PCDHA11: variants seen among roughly 807,000 people sequenced by gnomAD.
PCDHA11 encodes protocadherin alpha-11.
A neutral mutation model predicts 70.3 loss-of-function variants in PCDHA11; 61 were observed. That is an observed-to-expected ratio of 0.87 (90% confidence interval 0.71 to 1.07). PCDHA11 has a LOEUF of 1.07. Among genes scored for constraint, PCDHA11 ranks in the 50% least tolerant of loss-of-function variants. PCDHA11 has a pLI of 0.00. For missense variants in PCDHA11, 1,324 were observed against 1,237.5 expected (o/e 1.07, Z -1.05); for synonymous variants, 633 against 555.1 (o/e 1.14, Z -1.97).
At chr5:140,909,502 G>A (rs1583705871) in intron 1 of PCDHA11, among the ~76,000 whole-genome samples, 2 of 152,180 alleles carry the variant, frequency 1.3e-5, no homozygotes. Flanking sequence ...CGGGGATGTG[G>A]TGGGAATCAC....
At position 140,928,347 on chromosome 5, in the gene PCDHA11, G is replaced by A. The variant is rs139222568; in HGVS notation, c.2392-50602G>A. 5 of 1,614,148 alleles carry A rather than the reference G, an allele frequency of 3.1e-6. No homozygotes were observed. The African/African-American group carries it at 5.3e-5, about 17-fold the overall frequency. On this transcript the variant is annotated intron_variant, in intron 1 of 3. Coordinates refer to ENST00000398640, the MANE Select transcript of PCDHA11 (RefSeq NM_018902.5). ...ATGGCCTTGTCTCTTATGAGCTGTT[G>A]GATGTTATCTCTGAAGGGCCATCAG...
intron 3 of PCDHA11, among the ~76,000 whole-genome samples, chr5:141,001,133 A>G (rs2097993653): frequency 6.6e-6 from 1 of 152,034 alleles, no homozygotes; most frequent in Non-Finnish European, 1.5e-5. Flanking sequence ...AAACAAATGA[A>G]TCTTCTGTTG....
intron 3 of PCDHA11, among the ~76,000 whole-genome samples, chr5:140,993,305 G>C (rs1405035028): frequency 6.6e-6 from 1 of 151,998 alleles, no homozygotes; most frequent in African/African-American, 2.4e-5. Flanking sequence ...CTTGCCTCCA[G>C]GATAATACCT....
intron 1 of PCDHA11, among the ~76,000 whole-genome samples, chr5:140,874,129 G>A (rs1400596915): frequency 6.6e-6 from 1 of 151,518 alleles, no homozygotes; most frequent in African/African-American, 2.5e-5. Context: ...GTTTATTTAA[G>A]TTATCTTATA....
chr5:140,869,388 G>C lies in PCDHA11; in HGVS notation c.285G>C (p.Leu95=), dbSNP rs529836794. The change falls in exon 1 of 4, where the codon CTG becomes CTC. Residue 95 remains leucine (L), a synonymous_variant. Transcript: ENST00000398640. Reference sequence around the variant, plus strand: ...ATTCTCGGATCGACCGCGAGGAGCTGTGCGGGCAGAGCGCGGAGTGCAGCA... The same window carrying C: ...ATTCTCGGATCGACCGCGAGGAGCTCTGCGGGCAGAGCGCGGAGTGCAGCA... The part of the protein sequence containing the change: ...FVNSRIDREE[L]CGQSAECSIH... 3.7e-6 allele frequency: 6 copies of C among 1,614,204 alleles called. No homozygotes were observed. The African/African-American group carries it at 6.7e-5, about 18-fold the overall frequency.
rs369408845 is a variant in PCDHA11, at chr5:140,898,113, C to T, written c.2391+26619C>T. On this transcript the variant is annotated intron_variant, in intron 1 of 3. Coordinates refer to ENST00000398640, the MANE Select transcript of PCDHA11 (RefSeq NM_018902.5). ...AGCCCTTTGTCAGATGAGTAGGTTG[C>T]GAAAATTTTCTCCCATTTTGTAGGT... Among the ~76,000 whole-genome samples, 401 of 152,070 alleles carry T rather than the reference C, an allele frequency of 2.6e-3. 3 individuals carry two copies. Among genetic ancestry groups the T allele is most frequent in the Admixed American group, 0.01 (153 of 15,274 alleles).
chr5:140,993,463 CACA>C (rs1563592017), intron 3 of PCDHA11, among the ~76,000 whole-genome samples: 29 of 7,582 alleles, frequency 3.8e-3, no homozygotes, highest in African/African-American at 0.016. Flanking sequence ...CTTTCTTTCT[CACA>C]CACACACACA....
chr5:140,918,502 C>A (rs1480204800), intron 1 of PCDHA11, among the ~76,000 whole-genome samples: 1 of 152,040 alleles, frequency 6.6e-6, no homozygotes, highest in Non-Finnish European at 1.5e-5. Context: ...TGGTACCAAT[C>A]CTTTTAAACT....
At chr5:140,875,830 G>T in intron 1 of PCDHA11, 1 of 1,614,226 alleles carries the variant, frequency 6.2e-7, no homozygotes, top group South Asian at 1.1e-5. Context: ...TTTCCATGTG[G>T]ACGTGGAGGT....
At chr5:140,986,460 G>A (rs1489873666) in intron 3 of PCDHA11, among the ~76,000 whole-genome samples, 1 of 152,176 alleles carries the variant, frequency 6.6e-6, no homozygotes, top group Admixed American at 6.5e-5. Flanking sequence ...TTTAATGAAT[G>A]CCCTCTTGTG....
At chr5:140,996,791 A>G (rs2153942087) in intron 3 of PCDHA11, among the ~76,000 whole-genome samples, 1 of 152,316 alleles carries the variant, frequency 6.6e-6, no homozygotes, top group Non-Finnish European at 1.5e-5. Context: ...CTCACTCCCT[A>G]CATCCAATCA....
intron 1 of PCDHA11, among the ~76,000 whole-genome samples, chr5:140,898,923 T>G (rs2067045385): frequency 6.6e-6 from 1 of 152,144 alleles, no homozygotes; most frequent in South Asian, 2.1e-4. Flanking sequence ...GTAAGTTGGA[T>G]TCCTAAGTAT....
At chr5:140,876,923 C>T in intron 1 of PCDHA11, 1 of 1,613,834 alleles carries the variant, frequency 6.2e-7, no homozygotes. Flanking sequence ...GACGCGGACG[C>T]GCAGAAGAAC....
At position 141,011,912 on chromosome 5, in the gene PCDHA11, T is replaced by C. The variant is rs573561005; in HGVS notation, c.*1975T>C. ...ATTATATTATCTATTTAGGCATTAA[T>C]ATAAAAGAGGTAGGAGTCTGTTATT... On this transcript the variant is annotated 3_prime_UTR_variant, in exon 4 of 4. Coordinates refer to ENST00000398640, the MANE Select transcript of PCDHA11 (RefSeq NM_018902.5). 4 of 153,808 alleles carry C rather than the reference T, an allele frequency of 2.6e-5. No individual in the cohort carries two copies. In the South Asian group the frequency reaches 8.3e-4, roughly 32 times the overall value. 9.5% of individuals were successfully genotyped at this position (153,808 alleles called of 1,614,324 possible).
At chr5:140,969,765 G>T (rs1445266469) in intron 1 of PCDHA11, among the ~76,000 whole-genome samples, 5 of 152,148 alleles carry the variant, frequency 3.3e-5, no homozygotes, top group Non-Finnish European at 7.3e-5. Flanking sequence ...AAGCTCTGAG[G>T]CCTCTAGGGG....
intron 1 of PCDHA11, among the ~76,000 whole-genome samples, chr5:140,937,632 G>T (rs1228752133): frequency 1.3e-5 from 2 of 150,132 alleles, no homozygotes; most frequent in Admixed American, 1.3e-4. Flanking sequence ...AAAAAGAAAG[G>T]CAGGGCATGG....
intron 1 of PCDHA11, chr5:140,929,251 G>A (rs782590821): frequency 6.2e-7 from 1 of 1,613,534 alleles, no homozygotes; most frequent in South Asian, 1.1e-5. Flanking sequence ...TGCCACTGGG[G>A]TAGGACTGAA....
At chr5:140,875,464 T>A (rs782432702) in intron 1 of PCDHA11, 1 of 1,599,740 alleles carries the variant, frequency 6.3e-7, no homozygotes, top group Admixed American at 1.7e-5. Flanking sequence ...GAGGCCCTCA[T>A]TTTCTGCAAT....
intron 1 of PCDHA11, among the ~76,000 whole-genome samples, chr5:140,974,407 A>T (rs1441174003): frequency 6.6e-6 from 1 of 152,244 alleles, no homozygotes; most frequent in African/African-American, 2.4e-5. Flanking sequence ...TTCTAAAGTT[A>T]TGTTTATTTT....
Sources: allele counts gnomAD v4.1 joint callset (sites outside exome capture counted in the v4.1 genomes callset), GRCh38; gene constraint gnomAD v4.1.1; transcripts MANE v1.5; gene names NCBI Gene and HGNC (gene_info 2026-07-23, HGNC 2026-07-21).